FAM83D: variants seen among roughly 807,000 people sequenced by gnomAD.
The protein encoded by FAM83D is protein FAM83D.
In FAM83D, 26 loss-of-function variants were observed where a neutral mutation model predicts 25.4. The ratio of observed to expected loss-of-function variants is 1.02; its 90% CI spans 0.75 to 1.42. The LOEUF is 1.42. Ranked by LOEUF, FAM83D falls within the 40% of genes most tolerant of loss-of-function variation. The pLI is 0.00. For synonymous variants in FAM83D, 310 were observed against 318.5 expected (o/e 0.97, Z 0.28); for missense variants, 740 against 758.1 (o/e 0.98, Z 0.28).
intron 1 of FAM83D, among the ~76,000 whole-genome samples, chr20:38,929,467 A>G (rs1334955069): frequency 6.6e-6 from 1 of 152,178 alleles, no homozygotes; most frequent in Non-Finnish European, 1.5e-5. Flanking sequence ...CTGGCCCACA[A>G]GTGTTTAAGG....
At chr20:38,941,501 T>C (rs1445365338) in intron 1 of FAM83D, among the ~76,000 whole-genome samples, 1 of 152,176 alleles carries the variant, frequency 6.6e-6, no homozygotes, top group African/African-American at 2.4e-5. Flanking sequence ...AGAGAGAATC[T>C]GAGGTTTTAT....
At chr20:38,935,760 G>C (rs1010000176) in intron 1 of FAM83D, among the ~76,000 whole-genome samples, 6 of 152,148 alleles carry the variant, frequency 3.9e-5, no homozygotes, top group African/African-American at 1.4e-4. Context: ...TTGTTAATTT[G>C]ATAATAGCCT....
intron 1 of FAM83D, among the ~76,000 whole-genome samples, chr20:38,929,520 A>C (rs2085650364): frequency 1.3e-5 from 2 of 151,564 alleles, no homozygotes; most frequent in African/African-American, 4.8e-5. Context: ...ACAGCGGGTT[A>C]GTGGTAGGAG....
chr20:38,951,919 C>T lies in FAM83D; in HGVS notation c.1157C>T (p.Ala386Val). Residue 386 changes from alanine (A) to valine (V), a missense_variant, in exon 4 of 4, where the codon GCC (alanine) becomes GTC (valine). Physicochemically the swap from Ala to Val is moderately conservative, Grantham distance 64 (BLOSUM62 0). Around this residue, in one of 3 missense-constraint regions of FAM83D, gnomAD observed 375 missense variants for 403.2 expected, o/e 0.93. Coordinates refer to ENST00000619850, the MANE Select transcript of FAM83D (RefSeq NM_030919.3). ...SHRDELQSRK[A>V]IDAATQTEPG... is the part of the protein sequence containing the mutation. ...AGGGACGAGCTCCAGAGCAGAAAGGCCATTGACGCTGCCACTCAAACAGAG... is the reference window on the plus strand; with the variant it reads ...AGGGACGAGCTCCAGAGCAGAAAGGTCATTGACGCTGCCACTCAAACAGAG... 1 of 1,614,116 alleles carries T rather than the reference C, an allele frequency of 6.2e-7. No individual in the cohort carries two copies. Among genetic ancestry groups the T allele is most frequent in the Middle Eastern group, 1.6e-4 (1 of 6,062 alleles).
intron 1 of FAM83D, 77 bp downstream of exon 1, chr20:38,927,002 C>G: frequency 1.4e-6 from 2 of 1,398,748 alleles, no homozygotes; most frequent in Non-Finnish European, 1.8e-6. Context: ...GCTGGGAGTA[C>G]GGGCCGGGGC....
intron 1 of FAM83D, among the ~76,000 whole-genome samples, chr20:38,938,630 G>A (rs1286504103): frequency 6.6e-6 from 1 of 152,140 alleles, no homozygotes; most frequent in African/African-American, 2.4e-5. Context: ...CCGTTTCGAA[G>A]CTCACCCCTC....
chr20:38,949,335 T>C (rs1014221175), intron 3 of FAM83D, among the ~76,000 whole-genome samples: 1 of 152,120 alleles, frequency 6.6e-6, no homozygotes, highest in East Asian at 1.9e-4. Context: ...AATTTTTGTA[T>C]TTTTAGTAGA....
rs535556857 is a variant in FAM83D, at chr20:38,938,263, A to G, written c.484-3696A>G. ...CCTTGTGCTGTGGGCCCCCAGGCCC[A>G]TGCCCCTGCCTCCAGCAGGTCTCTA... On this transcript the variant is annotated intron_variant, in intron 1 of 3. Transcript: ENST00000619850. Among the ~76,000 whole-genome samples the G allele has an allele frequency of 6.4e-4, 98 of 152,344 alleles. 1 individual carries two copies. The highest frequency in any genetic ancestry group is 2.3e-3 in the African/African-American group (97 of 41,578).
At chr20:38,939,412 C>T (rs4812338) in intron 1 of FAM83D, among the ~76,000 whole-genome samples, 19,887 of 152,026 alleles carry the variant, frequency 0.13, 1,365 homozygotes, top group Middle Eastern at 0.19. Context: ...TGCAGTGGTG[C>T]GATCTCGGTT....
At chr20:38,929,321 G>A (rs1419001290) in intron 1 of FAM83D, among the ~76,000 whole-genome samples, 4 of 152,172 alleles carry the variant, frequency 2.6e-5, no homozygotes, top group Non-Finnish European at 5.9e-5. Flanking sequence ...GCCAACACTT[G>A]AGAGTGGACA....
In FAM83D at chr20:38,952,389, A is replaced by G. The variant is rs1339512790; in HGVS notation, c.1627A>G (p.Asn543Asp). 1.2e-6 allele frequency: 2 copies of G among 1,614,130 alleles called. No homozygotes were observed. Among genetic ancestry groups the G allele is most frequent in the African/African-American group, 2.7e-5 (2 of 74,948 alleles). The change falls in exon 4 of 4, where the codon AAC becomes GAC. Residue 543 changes from asparagine to aspartate, a missense_variant. Coordinates refer to ENST00000619850, the MANE Select transcript of FAM83D (RefSeq NM_030919.3). ...FHFAGIRSRL[N>D]HMLAMLSRRT... is the part of the protein sequence containing the mutation. Reference sequence around the variant, plus strand: ...CTTCGCTGGTATCAGGTCCCGGCTCAACCACATGCTGGCTATGCTGTCAAG... The same window carrying G: ...CTTCGCTGGTATCAGGTCCCGGCTCGACCACATGCTGGCTATGCTGTCAAG...
chr20:38,945,700 A>C, intron 2 of FAM83D, among the ~76,000 whole-genome samples: 1 of 148,628 alleles, frequency 6.7e-6, no homozygotes, highest in African/African-American at 2.5e-5. Flanking sequence ...CAGTTTCTCC[A>C]TCTTTCTTTG....
At chr20:38,937,890 G>A (rs1164395320) in intron 1 of FAM83D, among the ~76,000 whole-genome samples, 1 of 151,428 alleles carries the variant, frequency 6.6e-6, no homozygotes, top group Non-Finnish European at 1.5e-5. Context: ...CTTCAGAGGC[G>A]GAGGTTGCAG....
At chr20:38,935,983 G>A (rs192875332) in intron 1 of FAM83D, among the ~76,000 whole-genome samples, 2 of 152,366 alleles carry the variant, frequency 1.3e-5, no homozygotes, top group Admixed American at 1.3e-4. Flanking sequence ...TCCTGAGAGA[G>A]TTAGGAGAGG....
chr20:38,930,885 C>G (rs1000778200), intron 1 of FAM83D, among the ~76,000 whole-genome samples: 3 of 152,222 alleles, frequency 2.0e-5, no homozygotes, highest in Non-Finnish European at 4.4e-5. Context: ...ATCTGCCTGC[C>G]TCAGCCTCCC....
intron 1 of FAM83D, among the ~76,000 whole-genome samples, chr20:38,938,777 C>G (rs549099357): frequency 6.6e-6 from 1 of 151,948 alleles, no homozygotes; most frequent in Non-Finnish European, 1.5e-5. Flanking sequence ...TTGCTTCTGC[C>G]GTGCTACTGA....
chr20:38,940,723 G>T (rs1482565310), intron 1 of FAM83D, among the ~76,000 whole-genome samples: 1 of 152,120 alleles, frequency 6.6e-6, no homozygotes, highest in Non-Finnish European at 1.5e-5. Context: ...TGCCCTGCCA[G>T]GAGTTTGCTG....
At chr20:38,942,152 C>T in intron 2 of FAM83D, 26 bp downstream of exon 2, 8 of 1,611,984 alleles carry the variant, frequency 5.0e-6, no homozygotes, top group Non-Finnish European at 6.8e-6. Context: ...TATCCAGTTT[C>T]ACCATAGTCA....
chr20:38,953,045 G>T lies in FAM83D; in HGVS notation c.*525G>T. 1 of 154,160 alleles carries T rather than the reference G, an allele frequency of 6.5e-6. No individual in the cohort carries two copies. The highest frequency in any genetic ancestry group is 1.4e-5 in the Non-Finnish European group (1 of 69,262). The allele number at this position is 154,160 out of a possible 1,614,324, so 9.5% of individuals were successfully genotyped here. ...TTTAGAAAAAATAAAACTACTTTCT[G>T]TTTATCTCTTTAGAATATCTGTGTT... On this transcript the variant is annotated 3_prime_UTR_variant, in exon 4 of 4. Transcript: ENST00000619850.
Sources: gnomAD v4.1 joint callset for allele counts (sites outside exome capture counted in the v4.1 genomes callset) on GRCh38, gnomAD v4.1.1 for gene constraint, gnomAD v4.1.1 regional missense constraint, MANE v1.5 for transcripts, NCBI Gene and HGNC (gene_info 2026-07-23, HGNC 2026-07-21) for gene names.